Variants in BBS12 observed in about 807,000 individuals in gnomAD.
BBS12 encodes the protein chaperonin-containing T-complex member BBS12.
A neutral mutation model predicts 5.6 loss-of-function variants in BBS12; 5 were observed. That is an observed-to-expected ratio of 0.89 (90% CI 0.46 to 1.86). The LOEUF (loss-of-function observed/expected upper bound fraction) is 1.86, where lower values mean the gene tolerates loss of function less well. Ranked by LOEUF, BBS12 falls within the 40% of genes most tolerant of loss-of-function variation. The probability of loss-of-function intolerance (pLI) is 0.01; values close to 1 mark genes in which losing one functional copy is unlikely to be tolerated. For synonymous variants in BBS12, 308 were observed against 306.8 expected (o/e 1.00, Z -0.04); for missense variants, 748 against 830.4 (o/e 0.90, Z 1.22).
the BBS12 span, among the ~76,000 whole-genome samples, chr4:122,711,251 G>A: frequency 6.6e-6 from 1 of 152,074 alleles, no homozygotes; most frequent in Admixed American, 6.6e-5. Flanking sequence ...CTGTAGAAAT[G>A]AGAACACAAA....
At position 122,744,108 on chromosome 4, in the gene BBS12, C is replaced by T; in HGVS notation, c.*83C>T. The T allele has an allele frequency of 7.1e-7, 1 of 1,401,606 alleles. No individual in the cohort carries two copies. Among genetic ancestry groups the T allele is most frequent in the Non-Finnish European group, 1.0e-6 (1 of 995,470 alleles). 86.8% of individuals were successfully genotyped at this position (1,401,606 alleles called of 1,614,324 possible). A position where few individuals can be genotyped will look rare whatever the true frequency, so the allele number is the denominator to read the frequency against. ...ATATATTGATAGCCAAGTCATGGTG[C>T]CTAAAATGCCAGCTATTGCCAAGAA... On this transcript the variant is annotated 3_prime_UTR_variant, in exon 2 of 2. Transcript: ENST00000314218.
At chr4:122,723,266 C>A in the BBS12 span, among the ~76,000 whole-genome samples, 1 of 152,194 alleles carries the variant, frequency 6.6e-6, no homozygotes, top group South Asian at 2.1e-4. Context: ...ACCTCACAAA[C>A]CAAGTTTGGA....
intron 1 of BBS12, among the ~76,000 whole-genome samples, chr4:122,741,185 T>C (rs1386058984): frequency 6.6e-6 from 1 of 152,062 alleles, no homozygotes; most frequent in Non-Finnish European, 1.5e-5. Context: ...ATGTTTTTTT[T>C]TGTTGTTGTT....
In BBS12 at chr4:122,743,388, TG is replaced by T; in HGVS notation, c.1498del (p.Val500LeufsTer31). 1 of 1,614,188 alleles carries T rather than the reference TG, an allele frequency of 6.2e-7. No individual in the cohort carries two copies. Among genetic ancestry groups the T allele is most frequent in the Non-Finnish European group, 8.5e-7 (1 of 1,180,034 alleles). ...TTATTAAAAACAGAAGGAATTAATT[TG>T]GTTACGGCCGTGCTCACTAACCCAG... Reference protein sequence around the residue: ...AILLKTEGINLVTAVLTNPVT... With the variant: ...AILLKTEGINXVTAVLTNPVT... On this transcript the variant is annotated frameshift_variant, in exon 2 of 2. Coordinates refer to ENST00000314218, the MANE Select transcript of BBS12 (RefSeq NM_152618.3). LOFTEE classifies it low-confidence loss of function (END_TRUNC).
chr4:122,733,081 C>T (rs541189560), intron 1 of BBS12, among the ~76,000 whole-genome samples, 197 bp downstream of exon 1: 2 of 152,240 alleles, frequency 1.3e-5, no homozygotes, highest in South Asian at 4.1e-4. Flanking sequence ...CTTTTTGCCG[C>T]TAGACTTTCC....
the BBS12 span, among the ~76,000 whole-genome samples, chr4:122,713,543 T>C: frequency 6.6e-6 from 1 of 152,250 alleles, no homozygotes; most frequent in Non-Finnish European, 1.5e-5. Flanking sequence ...ATTTGGTATT[T>C]TGATCTTTCA....
At chr4:122,722,120 T>TG in the BBS12 span, among the ~76,000 whole-genome samples, 3 of 152,278 alleles carry the variant, frequency 2.0e-5, no homozygotes, top group East Asian at 1.9e-4. Flanking sequence ...GGTGTGAGAC[T>TG]GGGGGTCAAA....
chr4:122,702,472 G>A, the BBS12 span, among the ~76,000 whole-genome samples: 17 of 152,268 alleles, frequency 1.1e-4, no homozygotes, highest in East Asian at 1.2e-3. Flanking sequence ...TGTGCCTGCT[G>A]ACCTAACACT....
At chr4:122,720,248 C>T in the BBS12 span, among the ~76,000 whole-genome samples, 3 of 152,066 alleles carry the variant, frequency 2.0e-5, no homozygotes, top group African/African-American at 4.8e-5. Flanking sequence ...GCCAGGAGTT[C>T]GAGACCAGCC....
At chr4:122,716,644 C>CACGCGT in the BBS12 span, among the ~76,000 whole-genome samples, 2,957 of 95,000 alleles carry the variant, frequency 0.031, 154 homozygotes, top group African/African-American at 0.093. Flanking sequence ...TATATACACA[C>CACGCGT]GTGTGTGTAT....
the BBS12 span, among the ~76,000 whole-genome samples, chr4:122,710,556 G>A: frequency 1.3e-5 from 2 of 152,148 alleles, no homozygotes; most frequent in Non-Finnish European, 2.9e-5. Flanking sequence ...GGGTTAGAGA[G>A]GTATCGTGTT....
the BBS12 span, among the ~76,000 whole-genome samples, chr4:122,721,437 A>C: frequency 6.6e-6 from 1 of 152,232 alleles, no homozygotes; most frequent in African/African-American, 2.4e-5. Context: ...TAACCGTAAT[A>C]ACTCTAAGAT....
chr4:122,705,081 TAAG>T, the BBS12 span, among the ~76,000 whole-genome samples: 2 of 152,154 alleles, frequency 1.3e-5, no homozygotes, highest in African/African-American at 2.4e-5. Flanking sequence ...GCTCTCACCA[TAAG>T]AAGAACTTCT....
the BBS12 span, among the ~76,000 whole-genome samples, chr4:122,727,673 T>C: frequency 1.1e-4 from 16 of 147,796 alleles, no homozygotes; most frequent in Middle Eastern, 0.011. Context: ...CTGCTTCAGC[T>C]TCCCGAGTAG....
intron 1 of BBS12, among the ~76,000 whole-genome samples, chr4:122,736,552 C>G (rs1800786139): frequency 6.6e-6 from 1 of 152,030 alleles, no homozygotes; most frequent in Non-Finnish European, 1.5e-5. Context: ...GTTAAGTTGT[C>G]TGACTCTGCT....
chr4:122,712,015 T>A, the BBS12 span, among the ~76,000 whole-genome samples: 1 of 152,216 alleles, frequency 6.6e-6, no homozygotes, highest in African/African-American at 2.4e-5. Flanking sequence ...GACCTTCTGC[T>A]GCCTTGGACA....
chr4:122,723,676 A>C, the BBS12 span, among the ~76,000 whole-genome samples: 1 of 152,252 alleles, frequency 6.6e-6, no homozygotes, highest in Non-Finnish European at 1.5e-5. Flanking sequence ...TTCATTGCCA[A>C]CAATCTGCTT....
chr4:122,709,682 T>G, the BBS12 span, among the ~76,000 whole-genome samples: 1 of 152,054 alleles, frequency 6.6e-6, no homozygotes, highest in South Asian at 2.1e-4. Context: ...TGCAACAGAG[T>G]CTTGCTCTGT....
the BBS12 span, among the ~76,000 whole-genome samples, chr4:122,711,359 GAAA>G: frequency 5.9e-5 from 8 of 135,084 alleles, no homozygotes; most frequent in Admixed American, 2.3e-4. Context: ...ATCCTGATTG[GAAA>G]AAAAAAAAAA....
Sources: gnomAD v4.1 joint callset for allele counts (sites outside exome capture counted in the v4.1 genomes callset) on GRCh38, gnomAD v4.1.1 for gene constraint, MANE v1.5 for transcripts, NCBI Gene and HGNC (gene_info 2026-07-23, HGNC 2026-07-21) for gene names.